The following UBE2O variants were observed in gnomAD, a reference collection of about 807,000 sequenced individuals.
The protein encoded by UBE2O is ubiquitin conjugating enzyme E2 O, also known as (E3-independent) E2 ubiquitin-conjugating enzyme.
In UBE2O, 15 loss-of-function variants were observed where a neutral mutation model predicts 125.8. The ratio of observed to expected loss-of-function variants is 0.12; its 90% CI spans 0.08 to 0.18. The LOEUF (loss-of-function observed/expected upper bound fraction) is 0.18. Ranked by LOEUF, UBE2O falls within the 10% of genes least tolerant of loss-of-function variation. The probability of loss-of-function intolerance (pLI) is 1.00; values close to 1 mark genes in which losing one functional copy is unlikely to be tolerated. For missense variants in UBE2O, 1,280 were observed against 1,723.6 expected (o/e 0.74, Z 4.56); for synonymous variants, 708 against 703.2 (o/e 1.01, Z -0.11).
chr17:76,398,821 C>T lies in UBE2O; in HGVS notation c.1783+16G>A. ...GGCGACCACCCTGCTGGCTGCCCTT[C>T]CAGAGCTGGCACTACCTCGCTTATC... On this transcript the variant is annotated intron_variant, in intron 10 of 17. Coordinates refer to ENST00000319380, the MANE Select transcript of UBE2O (RefSeq NM_022066.4). The surrounding 1 kb of genome is among the most constrained non-coding windows in gnomAD (Gnocchi z 5.4). The T allele has an allele frequency of 3.7e-6, 6 of 1,611,562 alleles. No individual in the cohort carries two copies. The highest frequency in any genetic ancestry group is 5.1e-6 in the Non-Finnish European group (6 of 1,178,532).
At chr17:76,435,209 T>C (rs2143864148) in intron 1 of UBE2O, among the ~76,000 whole-genome samples, 1 of 152,268 alleles carries the variant, frequency 6.6e-6, no homozygotes, top group Middle Eastern at 3.4e-3. Flanking sequence ...ACAGAGCAGT[T>C]GTACAGAAAG....
chr17:76,435,419 C>CAT (rs2072978396), intron 1 of UBE2O, among the ~76,000 whole-genome samples: 1 of 72,878 alleles, frequency 1.4e-5, no homozygotes, highest in Admixed American at 1.4e-4. Context: ...CACACACATA[C>CAT]ACACACACAC....
rs2143943054 is a variant in UBE2O, at chr17:76,452,185, T to C, written c.417+540A>G. Among the ~76,000 whole-genome samples the C allele has an allele frequency of 6.6e-6, 1 of 152,218 alleles. No individual in the cohort carries two copies. Among genetic ancestry groups the C allele is most frequent in the South Asian group, 2.1e-4 (1 of 4,822 alleles). ...CAGCAATTAAAAGGAGGCAGCAGGG[T>C]AAAACAAAAAGAGGCTGGGTGGCTT... On this transcript the variant is annotated intron_variant, in intron 1 of 17. Coordinates refer to ENST00000319380, the MANE Select transcript of UBE2O (RefSeq NM_022066.4). This position sits in a 1 kb window ranked among gnomAD's most constrained non-coding sequence, Gnocchi z 4.4.
Position 76,399,977 on chromosome 17 carries a change from C to T in UBE2O, c.1156-56G>A. 6.5e-7 allele frequency: 1 copy of T among 1,546,856 alleles called. No homozygotes were observed. Among genetic ancestry groups the T allele is most frequent in the Non-Finnish European group, 8.7e-7 (1 of 1,145,438 alleles). ...GTGAGGTGCACCTGGGCAGGCCTGGCCCTAGGCATCTCAGGCTGGGGGGAT... is the reference window on the plus strand; with the variant it reads ...GTGAGGTGCACCTGGGCAGGCCTGGTCCTAGGCATCTCAGGCTGGGGGGAT... On this transcript the variant is annotated intron_variant, in intron 8 of 17. Transcript: ENST00000319380. The surrounding 1 kb of genome is among the most constrained non-coding windows in gnomAD (Gnocchi z 6.9).
intron 5 of UBE2O, among the ~76,000 whole-genome samples, chr17:76,401,412 A>G (rs931879595): frequency 2.0e-5 from 3 of 152,310 alleles, no homozygotes; most frequent in African/African-American, 7.2e-5. Context: ...TCTGAGGAAT[A>G]AGACTCCAGA....
Position 76,437,581 on chromosome 17 carries a change from T to G in UBE2O, c.417+15144A>C, listed in dbSNP as rs557866434. On this transcript the variant is annotated intron_variant, in intron 1 of 17. Transcript: ENST00000319380. ...GGTTTAGATAACAGTATGTGGCTGA[T>G]GTTAATATCTTTTTTGCGAGATGCA... Among the ~76,000 whole-genome samples, 6 of 152,206 alleles carry G rather than the reference T, an allele frequency of 3.9e-5. No homozygotes were observed. The South Asian group carries it at 1.0e-3, about 26-fold the overall frequency.
At chr17:76,434,636 G>C (rs1277770376) in intron 1 of UBE2O, among the ~76,000 whole-genome samples, 1 of 152,090 alleles carries the variant, frequency 6.6e-6, no homozygotes, top group Non-Finnish European at 1.5e-5. Flanking sequence ...GTCCTTTTAA[G>C]AGTCTTGCCT....
At position 76,405,549 on chromosome 17, in the gene UBE2O, C is replaced by T; in HGVS notation, c.441G>A (p.Val147=). 1 of 1,597,974 alleles carries T rather than the reference C, an allele frequency of 6.3e-7. No homozygotes were observed. Among genetic ancestry groups the T allele is most frequent in the Non-Finnish European group, 8.5e-7 (1 of 1,173,984 alleles). Residue 147 remains valine, a synonymous_variant, in exon 2 of 18, where the codon GTG becomes GTA. Coordinates refer to ENST00000319380, the MANE Select transcript of UBE2O (RefSeq NM_022066.4). This position sits in a 1 kb window ranked among gnomAD's most constrained non-coding sequence, Gnocchi z 6.1. ...TGTGCCGGACCACATCTCGGGGCAC[C>T]ACAGAACGGTCCTCTAGTTTCAGCT... The part of the protein sequence containing the change: ...ETKLKLEDRS[V]VPRDVVRHMR...
At chr17:76,393,517 G>A (rs2072152153) in intron 15 of UBE2O, among the ~76,000 whole-genome samples, 1 of 151,980 alleles carries the variant, frequency 6.6e-6, no homozygotes, top group South Asian at 2.1e-4. Context: ...ACAGGCGTGA[G>A]CCACCACGCC....
In UBE2O at chr17:76,399,940, G is replaced by A; in HGVS notation, c.1156-19C>T. The A allele has an allele frequency of 6.3e-7, 1 of 1,586,000 alleles. No individual in the cohort carries two copies. Among genetic ancestry groups the A allele is most frequent in the Non-Finnish European group, 8.6e-7 (1 of 1,166,344 alleles). On this transcript the variant is annotated intron_variant, in intron 8 of 17. Coordinates refer to ENST00000319380, the MANE Select transcript of UBE2O (RefSeq NM_022066.4). The surrounding 1 kb of genome is among the most constrained non-coding windows in gnomAD (Gnocchi z 6.9). ...GCTTCACCTGCAAGGGCGGAGCAGA[G>A]AGGACAGGGCTGTGAGGTGCACCTG...
intron 1 of UBE2O, among the ~76,000 whole-genome samples, chr17:76,436,261 T>G (rs945952364): frequency 6.6e-6 from 1 of 151,942 alleles, no homozygotes; most frequent in African/African-American, 2.4e-5. Context: ...ATTAATTAAT[T>G]TATTAATTAA....
chr17:76,398,772 C>G lies in UBE2O; in HGVS notation c.1783+65G>C. The stretch of plus-strand genomic sequence containing the variant: ...CCCCAGATCCACTGCCCATTCTCCA[C>G]AAGCCCCAACCCGGGCCCTCATTGG... On this transcript the variant is annotated intron_variant, in intron 10 of 17. Transcript: ENST00000319380. The surrounding 1 kb of genome is among the most constrained non-coding windows in gnomAD (Gnocchi z 5.4). 1 of 1,581,494 alleles carries G rather than the reference C, an allele frequency of 6.3e-7. No individual in the cohort carries two copies. The highest frequency in any genetic ancestry group is 8.6e-7 in the Non-Finnish European group (1 of 1,162,924).
At chr17:76,433,145 T>C (rs1363750547) in intron 1 of UBE2O, among the ~76,000 whole-genome samples, 1 of 151,974 alleles carries the variant, frequency 6.6e-6, no homozygotes, top group Non-Finnish European at 1.5e-5. Flanking sequence ...TGAATGCTTA[T>C]AGCAGCATTA....
At chr17:76,420,141 A>G (rs912466780) in intron 1 of UBE2O, among the ~76,000 whole-genome samples, 3 of 152,178 alleles carry the variant, frequency 2.0e-5, no homozygotes, top group Non-Finnish European at 4.4e-5. Flanking sequence ...CTTGGCTGCT[A>G]ATCAACAGCC....
At position 76,401,021 on chromosome 17, in the gene UBE2O, A is replaced by C; in HGVS notation, c.884T>G (p.Val295Gly). 6.2e-7 allele frequency: 1 copy of C among 1,613,680 alleles called. No homozygotes were observed. Among genetic ancestry groups the C allele is most frequent in the Non-Finnish European group, 8.5e-7 (1 of 1,179,984 alleles). The change falls in exon 6 of 18, where the codon GTG becomes GGG. Residue 295 changes from valine (V) to glycine (G), a missense_variant. By Grantham distance (109) the Val-to-Gly change is moderately radical. Around this residue, in one of 10 missense-constraint regions of UBE2O, gnomAD observed 206 missense variants for 315.7 expected, o/e 0.65. Coordinates refer to ENST00000319380, the MANE Select transcript of UBE2O (RefSeq NM_022066.4). ...VLSTKSKFRVVVEEVQVVELK... is the reference protein window; with the variant it reads ...VLSTKSKFRVGVEEVQVVELK... ...TGGGCCCGGACCCACCTCTTCCACC[A>C]CCACTCGGAACTTGCTCTTGGTGCT... is the stretch of plus-strand genomic sequence containing the variant.
intron 1 of UBE2O, among the ~76,000 whole-genome samples, chr17:76,433,248 A>G (rs2072931675): frequency 6.6e-6 from 1 of 151,868 alleles, no homozygotes; most frequent in East Asian, 1.9e-4. Context: ...ATATGATAGA[A>G]TATTATTCAA....
chr17:76,416,099 A>G (rs2072608432), intron 1 of UBE2O, among the ~76,000 whole-genome samples: 1 of 151,426 alleles, frequency 6.6e-6, no homozygotes, highest in African/African-American at 2.4e-5. Flanking sequence ...ATACATGTAT[A>G]TGCGTATGTG....
In UBE2O at chr17:76,452,305, CACGG is replaced by C. The variant is rs1206210969; in HGVS notation, c.417+416_417+419del. On this transcript the variant is annotated intron_variant, in intron 1 of 17. Coordinates refer to ENST00000319380, the MANE Select transcript of UBE2O (RefSeq NM_022066.4). This position sits in a 1 kb window ranked among gnomAD's most constrained non-coding sequence, Gnocchi z 4.4. Reference sequence around the variant, plus strand: ...TTGGAATGCCCACAACCCCTCCCTGCACGGACCCGGCACGGCCTTCATTTCTGGA... The same window carrying C: ...TTGGAATGCCCACAACCCCTCCCTGCACCCGGCACGGCCTTCATTTCTGGA... Among the ~76,000 whole-genome samples, 1 of 152,340 alleles carries C rather than the reference CACGG, an allele frequency of 6.6e-6. No homozygotes were observed. Among genetic ancestry groups the C allele is most frequent in the Admixed American group, 6.5e-5 (1 of 15,310 alleles).
intron 1 of UBE2O, among the ~76,000 whole-genome samples, chr17:76,435,401 TACACACACACACACATACACACAC>T (rs937694017): frequency 1.2e-4 from 12 of 96,852 alleles, no homozygotes; most frequent in East Asian, 3.2e-4. Flanking sequence ...AATATACAGA[TACACACACACACACATACACACAC>T]ACACACACAC....
Sources: allele counts gnomAD v4.1 joint callset (sites outside exome capture counted in the v4.1 genomes callset), GRCh38; gene constraint gnomAD v4.1.1; regional missense constraint gnomAD v4.1.1; non-coding constraint Gnocchi (gnomAD v3.1); transcripts MANE v1.5; gene names NCBI Gene and HGNC (gene_info 2026-07-23, HGNC 2026-07-21).